The following ALK variants were observed in gnomAD, a reference collection of about 807,000 sequenced individuals.
ALK encodes ALK tyrosine kinase receptor.
ALK carries 74 observed loss-of-function variants against 163.1 expected under a neutral mutation model. That is an observed-to-expected ratio of 0.45 (90% confidence interval 0.38 to 0.55). The LOEUF is 0.55. Ranked by LOEUF, ALK falls within the 20% of genes least tolerant of loss-of-function variation. ALK has a pLI of 0.00. For synonymous variants in ALK, 960 were observed against 843.2 expected (o/e 1.14, Z -2.40); for missense variants, 2,063 against 2,105.3 (o/e 0.98, Z 0.39).
intron 1 of ALK, among the ~76,000 whole-genome samples, chr2:29,836,690 C>T (rs1665571048): frequency 6.6e-6 from 1 of 152,186 alleles, no homozygotes; most frequent in African/African-American, 2.4e-5. Flanking sequence ...GTGAAACATG[C>T]TTTGGTTTTC....
chr2:29,592,950 C>T (rs1675102697), intron 3 of ALK, among the ~76,000 whole-genome samples: 1 of 152,202 alleles, frequency 6.6e-6, no homozygotes, highest in Non-Finnish European at 1.5e-5. Context: ...ACGCTGGCCT[C>T]CAGAGCTGCG....
chr2:29,356,937 G>A (rs1668263350), intron 5 of ALK, among the ~76,000 whole-genome samples: 2 of 152,036 alleles, frequency 1.3e-5, no homozygotes, highest in South Asian at 2.1e-4. Flanking sequence ...GCCCATGACT[G>A]CTCCACATCT....
At chr2:29,841,970 C>G (rs183681705) in intron 1 of ALK, among the ~76,000 whole-genome samples, 1 of 152,126 alleles carries the variant, frequency 6.6e-6, no homozygotes, top group African/African-American at 2.4e-5. Context: ...TGAAAACTAA[C>G]GTTCCCTTCT....
chr2:29,633,793 C>T (rs1162869429), intron 3 of ALK, among the ~76,000 whole-genome samples: 1 of 152,120 alleles, frequency 6.6e-6, no homozygotes, highest in Non-Finnish European at 1.5e-5. Flanking sequence ...AACAATTCTA[C>T]ACGTATACAT....
chr2:29,865,068 C>T (rs1339535767), intron 1 of ALK, among the ~76,000 whole-genome samples: 1 of 152,210 alleles, frequency 6.6e-6, no homozygotes, highest in Non-Finnish European at 1.5e-5. Context: ...AAGCAGAACT[C>T]TGCTGCCAAC....
In ALK at chr2:29,662,763, C is replaced by T. The variant is rs140155330; in HGVS notation, c.952+32087G>A. Among the ~76,000 whole-genome samples the T allele has an allele frequency of 4.1e-3, 621 of 152,096 alleles. 3 individuals carry two copies. Among genetic ancestry groups the T allele is most frequent in the African/African-American group, 0.014 (586 of 41,510 alleles). On this transcript the variant is annotated intron_variant, in intron 3 of 28. Coordinates refer to ENST00000389048, the MANE Select transcript of ALK (RefSeq NM_004304.5). Reference sequence around the variant, plus strand: ...TAAATATGGACATCTGTGACCTACACGTGAAGGCATTTTTCCAAATAAAGA... The same window carrying T: ...TAAATATGGACATCTGTGACCTACATGTGAAGGCATTTTTCCAAATAAAGA...
At chr2:29,602,316 T>G (rs1273756951) in intron 3 of ALK, among the ~76,000 whole-genome samples, 1 of 152,094 alleles carries the variant, frequency 6.6e-6, no homozygotes, top group Non-Finnish European at 1.5e-5. Flanking sequence ...ATTCTGCTCA[T>G]AGAATCCCAG....
At chr2:29,599,025 G>A (rs1244150370) in intron 3 of ALK, among the ~76,000 whole-genome samples, 1 of 152,046 alleles carries the variant, frequency 6.6e-6, no homozygotes, top group East Asian at 1.9e-4. Context: ...AAATAACGAT[G>A]TCCAGGCACT....
intron 3 of ALK, among the ~76,000 whole-genome samples, chr2:29,572,247 G>C (rs1674395809): frequency 6.6e-6 from 1 of 152,204 alleles, no homozygotes; most frequent in Non-Finnish European, 1.5e-5. Context: ...TCTTTTCTTG[G>C]AAATTGCCAG....
intron 1 of ALK, among the ~76,000 whole-genome samples, chr2:29,792,271 T>C (rs904650836): frequency 9.9e-5 from 15 of 152,098 alleles, no homozygotes; most frequent in African/African-American, 3.6e-4. Context: ...AGAAGGTAGA[T>C]AGATGGAATA....
intron 3 of ALK, among the ~76,000 whole-genome samples, chr2:29,551,088 C>T (rs895815818): frequency 7.2e-5 from 11 of 152,238 alleles, no homozygotes; most frequent in African/African-American, 2.6e-4. Context: ...AGATAGTCCA[C>T]CAAAATATGT....
At chr2:29,917,247 C>A (rs936840356) in intron 1 of ALK, among the ~76,000 whole-genome samples, 2 of 152,210 alleles carry the variant, frequency 1.3e-5, no homozygotes, top group Non-Finnish European at 2.9e-5. Flanking sequence ...CCCTCCCCCA[C>A]AAATAGCCCC....
chr2:29,308,764 C>T (rs1042604150), intron 8 of ALK, among the ~76,000 whole-genome samples: 1 of 152,142 alleles, frequency 6.6e-6, no homozygotes, highest in African/African-American at 2.4e-5. Context: ...CCCAGCTTAG[C>T]GAAGACATTT....
intron 1 of ALK, among the ~76,000 whole-genome samples, chr2:29,775,183 C>G (rs1449128872): frequency 6.6e-6 from 1 of 152,168 alleles, no homozygotes; most frequent in Non-Finnish European, 1.5e-5. Context: ...ACATTATGCT[C>G]AGTGGAAGGT....
At chr2:29,334,800 A>G (rs1412140172) in intron 5 of ALK, among the ~76,000 whole-genome samples, 10 of 152,224 alleles carry the variant, frequency 6.6e-5, no homozygotes, top group Admixed American at 3.9e-4. Context: ...AGAAGAGTCA[A>G]TTAGATGGAC....
rs777172061 is a variant in ALK at position 29,239,713 on chromosome 2, C to A, written c.2322G>T (p.Leu774=). 1 of 1,614,086 alleles carries A rather than the reference C, an allele frequency of 6.2e-7. No individual in the cohort carries two copies. Among genetic ancestry groups the A allele is most frequent in the Non-Finnish European group, 8.5e-7 (1 of 1,180,040 alleles). ...AGGCGTCCTCTCCCTGCTGCCCAAC[C>A]AGGATGTACAGCATGTCATCCTTCT... ...NLEKDDMLYI[L]VGQQGEDACP... is the part of the protein sequence containing the mutation. The change falls in exon 13 of 29, where the codon CTG becomes CTT. Residue 774 remains leucine, a synonymous_variant. Coordinates refer to ENST00000389048, the MANE Select transcript of ALK (RefSeq NM_004304.5).
At chr2:29,711,380 C>T (rs570540947) in intron 2 of ALK, among the ~76,000 whole-genome samples, 2 of 152,314 alleles carry the variant, frequency 1.3e-5, no homozygotes, top group African/African-American at 4.8e-5. Flanking sequence ...TTCTTGAGTC[C>T]TCTACAGACC....
chr2:29,666,105 T>C (rs1214850419), intron 3 of ALK, among the ~76,000 whole-genome samples: 1 of 152,152 alleles, frequency 6.6e-6, no homozygotes, highest in Non-Finnish European at 1.5e-5. Flanking sequence ...ATAAAATCTT[T>C]TGCTGAAATC....
intron 1 of ALK, among the ~76,000 whole-genome samples, chr2:29,903,938 A>G (rs1162473076): frequency 6.6e-6 from 1 of 152,170 alleles, no homozygotes; most frequent in Non-Finnish European, 1.5e-5. Flanking sequence ...TTAATATGAA[A>G]AGGACAGAGA....
Sources: allele counts gnomAD v4.1 joint callset (sites outside exome capture counted in the v4.1 genomes callset), GRCh38; gene constraint gnomAD v4.1.1; transcripts MANE v1.5; gene names NCBI Gene and HGNC (gene_info 2026-07-23, HGNC 2026-07-21).